Variants in GSTZ1 observed in about 807,000 individuals in gnomAD.
GSTZ1 encodes glutathione S-transferase zeta 1.
In GSTZ1, 34 loss-of-function variants were observed where a neutral mutation model predicts 35.9. That is an observed-to-expected ratio of 0.95 (90% CI 0.72 to 1.26). The LOEUF (loss-of-function observed/expected upper bound fraction) is 1.26. Among genes scored for constraint, GSTZ1 ranks in the 50% most tolerant of loss-of-function variants. The pLI, the probability that GSTZ1 is intolerant of heterozygous loss-of-function variation, is 0.00. For synonymous variants in GSTZ1, 93 were observed against 101.2 expected (o/e 0.92, Z 0.49); for missense variants, 263 against 271.7 (o/e 0.97, Z 0.23).
At chr14:77,324,785 A>G (rs1289091459) in intron 1 of GSTZ1, 85 bp from the exon 2 acceptor site, 1 of 1,362,490 alleles carries the variant, frequency 7.3e-7, no homozygotes, top group Non-Finnish European at 1.1e-6. Context: ...GAGGCCTGGC[A>G]GGACAGGAAG....
chr14:77,322,775 C>T (rs1423566427), intron 1 of GSTZ1: 1 of 916,532 alleles, frequency 1.1e-6, no homozygotes, highest in Non-Finnish European at 1.3e-6. Context: ...TGGGAACCAT[C>T]TTGGAAGGGC....
At chr14:77,330,953 C>T (rs1892596388) in intron 8 of GSTZ1, 116 bp from the exon 9 acceptor site, 2 of 963,358 alleles carry the variant, frequency 2.1e-6, no homozygotes, top group Non-Finnish European at 3.2e-6. Flanking sequence ...CATCGTCCTT[C>T]CCTGGACAGC....
intron 1 of GSTZ1, 166 bp downstream of exon 1, chr14:77,321,349 TG>T (rs761815838): frequency 1.0e-5 from 16 of 1,533,156 alleles, no homozygotes; most frequent in African/African-American, 1.4e-5. Flanking sequence ...CGCTGCCCGC[TG>T]GGGCTCGAAG....
intron 1 of GSTZ1, chr14:77,321,659 G>A (rs1891992305): frequency 9.1e-6 from 4 of 440,940 alleles, no homozygotes; most frequent in Non-Finnish European, 1.4e-5. Context: ...CGAGGCGGGC[G>A]GATCACAAGG....
At chr14:77,331,019 C>T (rs1420879764) in intron 8 of GSTZ1, 50 bp from the exon 9 acceptor site, 6 of 1,579,746 alleles carry the variant, frequency 3.8e-6, no homozygotes, top group Non-Finnish European at 3.5e-6. Context: ...TCAGGGCAGT[C>T]TCCCTGTGTC....
Position 77,321,193 on chromosome 14 carries a change from G to T in GSTZ1, c.15+10G>T, listed in dbSNP as rs1322198826. The stretch of plus-strand genomic sequence containing the variant: ...GATGCAGGCGGGGAAGGTCTGTGAC[G>T]CGCACCCGGGTGGAGGGAAGCTGGT... On this transcript the variant is annotated intron_variant, in intron 1 of 8. Transcript: ENST00000216465. The T allele has an allele frequency of 6.7e-7, 1 of 1,483,140 alleles. No individual in the cohort carries two copies. Among genetic ancestry groups the T allele is most frequent in the South Asian group, 1.3e-5 (1 of 75,834 alleles). 91.9% of individuals were successfully genotyped at this position (1,483,140 alleles called of 1,614,324 possible). A position where few individuals can be genotyped will look rare whatever the true frequency, so the allele number is the denominator to read the frequency against.
chr14:77,331,413 C>A lies in GSTZ1; in HGVS notation c.*218C>A. 1.9e-6 allele frequency: 1 copy of A among 532,756 alleles called. No individual in the cohort carries two copies. The highest frequency in any genetic ancestry group is 3.3e-6 in the Non-Finnish European group (1 of 300,958). 33.0% of individuals were successfully genotyped at this position (532,756 alleles called of 1,614,324 possible). ...GCGGGGAGCAGGGTGGGCAGGAATA[C>A]TGTTATCTATGTGACGGGGCAGTCG... On this transcript the variant is annotated 3_prime_UTR_variant, in exon 9 of 9. Coordinates refer to ENST00000216465, the MANE Select transcript of GSTZ1 (RefSeq NM_145870.3).
chr14:77,321,099 G>C lies in GSTZ1; in HGVS notation c.-70G>C. The C allele has an allele frequency of 7.1e-7, 1 of 1,411,172 alleles. No individual in the cohort carries two copies. Among genetic ancestry groups the C allele is most frequent in the Non-Finnish European group, 9.4e-7 (1 of 1,065,026 alleles). 87.4% of individuals were successfully genotyped at this position (1,411,172 alleles called of 1,614,324 possible). On this transcript the variant is annotated 5_prime_UTR_variant, in exon 1 of 9. Transcript: ENST00000216465. ...GGCCTGATTCGTCGAGTCTCACTGA[G>C]CCTTAGTCGTCGGCAGGTCCCAGGC...
At position 77,328,022 on chromosome 14, in the gene GSTZ1, C is replaced by T. The variant is rs1892424472; in HGVS notation, c.327C>T (p.Gly109=). 6.2e-7 allele frequency: 1 copy of T among 1,613,946 alleles called. No homozygotes were observed. Among genetic ancestry groups the T allele is most frequent in the Non-Finnish European group, 8.5e-7 (1 of 1,179,938 alleles). Residue 109 remains glycine, a synonymous_variant, in exon 5 of 9, where the codon GGC becomes GGT. Coordinates refer to ENST00000216465, the MANE Select transcript of GSTZ1 (RefSeq NM_145870.3). ...TGATTTCTGACCTCATCGCTGGTGG[C>T]ATCCAGCCCCTGCAGGTGTGGCACT... ...VRMISDLIAG[G]IQPLQNLSVL...
In GSTZ1 at chr14:77,327,202, A is replaced by G. The variant is rs74063326; in HGVS notation, c.136-270A>G. 2.1e-3 allele frequency: 1,257 copies of G among 594,990 alleles called. 16 individuals are homozygous for G. The highest frequency in any genetic ancestry group is 0.021 in the African/African-American group (1,131 of 53,870). The allele number at this position is 594,990 out of a possible 1,614,324, so 36.9% of individuals were successfully genotyped here. ...CCATACTGGGCCCTCTGGATGGCTGACTAGGGTAGGAGCTGCCTTGGTGGC... is the reference window on the plus strand; with the variant it reads ...CCATACTGGGCCCTCTGGATGGCTGGCTAGGGTAGGAGCTGCCTTGGTGGC... On this transcript the variant is annotated intron_variant, in intron 3 of 8. Coordinates refer to ENST00000216465, the MANE Select transcript of GSTZ1 (RefSeq NM_145870.3).
intron 5 of GSTZ1, 51 bp downstream of exon 5, chr14:77,328,088 T>G (rs1566674613): frequency 6.3e-7 from 1 of 1,597,134 alleles, no homozygotes; most frequent in Admixed American, 1.7e-5. Context: ...ACTCTTACAC[T>G]CACACATTGG....
chr14:77,330,008 G>A, intron 7 of GSTZ1: 1 of 646,520 alleles, frequency 1.5e-6, no homozygotes, highest in Non-Finnish European at 2.8e-6. Flanking sequence ...GATGAGGCGG[G>A]CCAGCATCAG....
At chr14:77,324,763 G>T in intron 1 of GSTZ1, 107 bp from the exon 2 acceptor site, 1 of 1,228,706 alleles carries the variant, frequency 8.1e-7, no homozygotes, top group East Asian at 2.4e-5. Flanking sequence ...CACAGATGCA[G>T]GCCTGAGAGA....
intron 1 of GSTZ1, chr14:77,324,454 C>T: frequency 1.4e-6 from 1 of 711,410 alleles, no homozygotes; most frequent in Non-Finnish European, 2.5e-6. Context: ...CCAGAAATGC[C>T]CTTTCTGACC....
chr14:77,327,169 T>A (rs1016960475), intron 3 of GSTZ1: 1 of 592,564 alleles, frequency 1.7e-6, no homozygotes, highest in African/African-American at 1.9e-5. Flanking sequence ...GGCTAGTGGG[T>A]CCCCACCCCA....
chr14:77,324,627 G>A, intron 1 of GSTZ1: 1 of 1,528,396 alleles, frequency 6.5e-7, no homozygotes, highest in Non-Finnish European at 8.8e-7. Context: ...GGCAAGGTAT[G>A]GAAGGCACTC....
intron 1 of GSTZ1, chr14:77,322,743 G>C: frequency 1.0e-6 from 1 of 983,438 alleles, no homozygotes; most frequent in Non-Finnish European, 1.2e-6. Context: ...GTACCTTCAG[G>C]ACAGGCTGGG....
intron 3 of GSTZ1, chr14:77,327,137 G>A (rs1892359963): frequency 3.4e-6 from 2 of 586,150 alleles, no homozygotes; most frequent in Non-Finnish European, 6.0e-6. Flanking sequence ...GCTCTCCAGT[G>A]CCTGACCCTG....
At chr14:77,329,881 G>A (rs1205528956) in intron 7 of GSTZ1, 74 bp downstream of exon 7, 10 of 1,132,162 alleles carry the variant, frequency 8.8e-6, no homozygotes, top group South Asian at 6.1e-5. Context: ...CTCAAGCTCA[G>A]AGCTTCCTGA....
Sources: allele counts gnomAD v4.1 joint callset, GRCh38; gene constraint gnomAD v4.1.1; transcripts MANE v1.5; gene names NCBI Gene and HGNC (gene_info 2026-07-23, HGNC 2026-07-21).